FAH: variants seen among roughly 807,000 people sequenced by gnomAD.
FAH encodes the protein fumarylacetoacetate hydrolase, also known as fumarylacetoacetase.
Under a neutral mutation model 55.8 loss-of-function variants are expected in FAH, and 47 were observed. That is an observed-to-expected ratio of 0.84 (90% confidence interval 0.67 to 1.07). FAH has a LOEUF of 1.07. Among genes scored for constraint, FAH ranks in the 50% least tolerant of loss-of-function variants. The pLI is 0.00. For missense variants in FAH, 495 were observed against 545.9 expected (o/e 0.91, Z 0.93); for synonymous variants, 199 against 207.7 (o/e 0.96, Z 0.36).
chr15:80,169,209 C>T (rs1291456447), intron 7 of FAH, among the ~76,000 whole-genome samples: 2 of 151,998 alleles, frequency 1.3e-5, no homozygotes, highest in African/African-American at 4.8e-5. Context: ...ATGGTGAAAC[C>T]CCGTCTCTAC....
chr15:80,175,539 C>A (rs913785662), intron 10 of FAH, among the ~76,000 whole-genome samples: 8 of 152,168 alleles, frequency 5.3e-5, no homozygotes, highest in Non-Finnish European at 1.2e-4. Flanking sequence ...CGCATCAAGA[C>A]CCCAGATTCC....
intron 7 of FAH, 88 bp downstream of exon 7, chr15:80,168,404 C>A: frequency 7.5e-7 from 1 of 1,325,696 alleles, no homozygotes. Context: ...CCATGAGCCG[C>A]CCACTCCCCT....
chr15:80,159,738 T>A lies in FAH; in HGVS notation c.193-18T>A. ...GTTTTCCTGTACGTGATCTTTTTTCTCCCTGTTTTGGTCTTAGCCTACACT... is the reference window on the plus strand; with the variant it reads ...GTTTTCCTGTACGTGATCTTTTTTCACCCTGTTTTGGTCTTAGCCTACACT... On this transcript the variant is annotated intron_variant, in intron 2 of 13. Transcript: ENST00000561421. 1 of 1,614,144 alleles carries A rather than the reference T, an allele frequency of 6.2e-7. No homozygotes were observed. The highest frequency in any genetic ancestry group is 8.5e-7 in the Non-Finnish European group (1 of 1,180,006).
intron 3 of FAH, chr15:80,160,122 T>C: frequency 1.6e-6 from 1 of 633,148 alleles, no homozygotes; most frequent in Non-Finnish European, 2.8e-6. Context: ...GCCCTCTCTC[T>C]TACTCAGGCT....
rs900579300 is a variant in FAH, at chr15:80,160,433, C to T, written c.338C>T (p.Ala113Val). 6.2e-7 allele frequency: 1 copy of T among 1,614,216 alleles called. No homozygotes were observed. The highest frequency in any genetic ancestry group is 8.5e-7 in the Non-Finnish European group (1 of 1,180,036). The change falls in exon 4 of 14, where the codon GCC becomes GTC. Residue 113 changes from alanine to valine, a missense_variant. Coordinates refer to ENST00000561421, the MANE Select transcript of FAH (RefSeq NM_000137.4). ...AGTGCATTCATCTCCCAGGCTTCTG[C>T]CACGATGCACCTTCCAGCCACCATA... ...RKCAFISQAS[A>V]TMHLPATIGD...
Position 80,186,280 on chromosome 15 carries a change from C to G in FAH, c.*71C>G. On this transcript the variant is annotated 3_prime_UTR_variant, in exon 14 of 14. Coordinates refer to ENST00000561421, the MANE Select transcript of FAH (RefSeq NM_000137.4). ...CAACCCTGTGACTGGGGTCCTCCCT[C>G]GGGCTGTAGGCCTGGTCCGCCATTC... The G allele has an allele frequency of 7.9e-7, 1 of 1,272,020 alleles. No individual in the cohort carries two copies. Among genetic ancestry groups the G allele is most frequent in the Non-Finnish European group, 1.2e-6 (1 of 868,332 alleles). The allele number at this position is 1,272,020 out of a possible 1,614,324, so 78.8% of individuals were successfully genotyped here.
chr15:80,172,387 A>G (rs2041249016), intron 8 of FAH, 139 bp downstream of exon 8: 2 of 669,984 alleles, frequency 3.0e-6, no homozygotes, highest in Non-Finnish European at 5.3e-6. Context: ...TCTGGGTATC[A>G]AACAGACTTT....
At chr15:80,181,264 A>G (rs2041329192) in intron 13 of FAH, 105 bp downstream of exon 13, 1 of 775,628 alleles carries the variant, frequency 1.3e-6, no homozygotes, top group East Asian at 2.7e-5. Flanking sequence ...GTTCTCACGC[A>G]TCCTGACTCT....
At chr15:80,169,337 C>G (rs112810101) in intron 7 of FAH, among the ~76,000 whole-genome samples, 2 of 151,868 alleles carry the variant, frequency 1.3e-5, no homozygotes, top group South Asian at 4.2e-4. Context: ...GAGCTGAGAT[C>G]GCGCCACCAC....
chr15:80,177,320 G>T (rs1301161966), intron 10 of FAH: 1 of 592,950 alleles, frequency 1.7e-6, no homozygotes. Flanking sequence ...AATGCTGCCT[G>T]CTGTAGGCGT....
intron 7 of FAH, among the ~76,000 whole-genome samples, chr15:80,171,909 T>G (rs891299156): frequency 3.0e-4 from 45 of 152,054 alleles, no homozygotes; most frequent in African/African-American, 1.1e-3. Context: ...GGAGGCTGCT[T>G]TGGAGCTCAG....
intron 1 of FAH, chr15:80,156,345 T>C (rs150737666): frequency 6.5e-6 from 1 of 154,152 alleles, no homozygotes; most frequent in East Asian, 1.8e-4. Flanking sequence ...ATGTTTATAC[T>C]AATAATCGAT....
rs765106805 is a variant in FAH, at chr15:80,186,090, C to T, written c.1181-40C>T. 10 of 1,578,026 alleles carry T rather than the reference C, an allele frequency of 6.3e-6. No individual in the cohort carries two copies. The South Asian group carries it at 1.0e-4, about 16-fold the overall frequency. ...GCCTAGGTGTTGGTTCCGGTGAGCC[C>T]AGCAACTTTGTGACTGATCCTTGTC... On this transcript the variant is annotated intron_variant, in intron 13 of 13. Coordinates refer to ENST00000561421, the MANE Select transcript of FAH (RefSeq NM_000137.4).
chr15:80,153,215 A>AGTGGAGTGGAGTGGAGTGGAG, intron 1 of FAH, 80 bp downstream of exon 1: 2 of 789,578 alleles, frequency 2.5e-6, no homozygotes, highest in Non-Finnish European at 3.9e-6. Flanking sequence ...GTGGAGTGGA[A>AGTGGAGTGGAGTGGAGTGGAG]TGGAGTGGAA....
In FAH at chr15:80,168,275, G is replaced by A. The variant is rs145389125; in HGVS notation, c.565G>A (p.Val189Ile). Residue 189 changes from valine (V) to isoleucine (I), a missense_variant, in exon 7 of 14, where the codon GTA becomes ATA. By Grantham distance (29) the Val-to-Ile change is conservative. Transcript: ENST00000561421. ...TGGTGTTATTCCAGCTAAGCCTCCCGTATATGGTGCCTGCAAGCTCTTGGA... is the reference window on the plus strand; with the variant it reads ...TGGTGTTATTCCAGCTAAGCCTCCCATATATGGTGCCTGCAAGCTCTTGGA... Reference protein sequence around the residue: ...QMKPDDSKPPVYGACKLLDME... With the variant: ...QMKPDDSKPPIYGACKLLDME... The A allele has an allele frequency of 3.7e-4, 600 of 1,601,440 alleles. 3 individuals are homozygous for A. Among genetic ancestry groups the A allele is most frequent in the East Asian group, 3.5e-3 (154 of 44,398 alleles).
chr15:80,184,808 G>A (rs535621895), intron 13 of FAH, among the ~76,000 whole-genome samples: 2 of 152,236 alleles, frequency 1.3e-5, no homozygotes, highest in South Asian at 2.1e-4. Flanking sequence ...GCCTTTGCAC[G>A]TGTTCTTCCC....
At chr15:80,166,022 T>G (rs867641727) in intron 5 of FAH, 1 of 152,200 alleles carries the variant, frequency 6.6e-6, no homozygotes, top group Non-Finnish European at 1.5e-5. Flanking sequence ...CAAAAGGTAC[T>G]TAAGGGTAAA....
chr15:80,167,264 C>T (rs911812732), intron 5 of FAH: 2 of 152,240 alleles, frequency 1.3e-5, no homozygotes, highest in Admixed American at 1.3e-4. Context: ...GCCATCTCCT[C>T]CTGAAGCTTC....
rs1049026837 is a variant in FAH at position 80,160,464 on chromosome 15, G to A, written c.364+5G>A. On this transcript the variant is annotated splice_donor_5th_base_variant and intron_variant, in intron 4 of 13. Coordinates refer to ENST00000561421, the MANE Select transcript of FAH (RefSeq NM_000137.4). Reference sequence around the variant, plus strand: ...TGCACCTTCCAGCCACCATAGGTGAGTGCAGTCTCTTCACCAAGATAAGAA... The same window carrying A: ...TGCACCTTCCAGCCACCATAGGTGAATGCAGTCTCTTCACCAAGATAAGAA... 1 of 1,614,068 alleles carries A rather than the reference G, an allele frequency of 6.2e-7. No homozygotes were observed. The highest frequency in any genetic ancestry group is 8.5e-7 in the Non-Finnish European group (1 of 1,179,894).
Sources: gnomAD v4.1 joint callset for allele counts (sites outside exome capture counted in the v4.1 genomes callset) on GRCh38, gnomAD v4.1.1 for gene constraint, MANE v1.5 for transcripts, NCBI Gene and HGNC (gene_info 2026-07-23, HGNC 2026-07-21) for gene names.